The following MGRN1 variants were observed in gnomAD, a reference collection of about 807,000 sequenced individuals.
The protein encoded by MGRN1 is mahogunin ring finger 1, also known as E3 ubiquitin-protein ligase MGRN1.
Under a neutral mutation model 69.2 loss-of-function variants are expected in MGRN1, and 29 were observed. The ratio of observed to expected loss-of-function variants is 0.42; its 90% confidence interval spans 0.31 to 0.57. MGRN1 has a LOEUF of 0.57. Among genes scored for constraint, MGRN1 ranks in the 20% least tolerant of loss-of-function variants. The pLI is 0.15. For synonymous variants in MGRN1, 470 were observed against 344.2 expected (o/e 1.37, Z -4.04); for missense variants, 998 against 796.2 (o/e 1.25, Z -3.05).
intron 1 of MGRN1, among the ~76,000 whole-genome samples, chr16:4,645,832 G>T (rs904232570): frequency 3.3e-5 from 5 of 152,110 alleles, no homozygotes; most frequent in African/African-American, 4.8e-5. Flanking sequence ...GAGGGCAGTG[G>T]GTCCAGAAAC....
chr16:4,667,418 C>G (rs2078830057), intron 7 of MGRN1, among the ~76,000 whole-genome samples: 1 of 152,208 alleles, frequency 6.6e-6, no homozygotes, highest in South Asian at 2.1e-4. Context: ...CTTTTTAGTA[C>G]TGGGCTCCCC....
chr16:4,665,443 A>G (rs897586695), intron 7 of MGRN1, among the ~76,000 whole-genome samples: 1 of 144,806 alleles, frequency 6.9e-6, no homozygotes, highest in African/African-American at 2.6e-5. Context: ...CTCTCGGCTC[A>G]CTGCAACCTC....
chr16:4,666,332 A>T (rs187241699), intron 7 of MGRN1, among the ~76,000 whole-genome samples: 1 of 151,626 alleles, frequency 6.6e-6, no homozygotes, highest in African/African-American at 2.4e-5. Context: ...AGGTCTCGCT[A>T]TGTTGCCCAG....
rs1428566409 is a variant in MGRN1 at position 4,650,487 on chromosome 16, G to C, written c.207+4G>C. 1.2e-6 allele frequency: 2 copies of C among 1,605,850 alleles called. No individual in the cohort carries two copies. Among genetic ancestry groups the C allele is most frequent in the Admixed American group, 3.4e-5 (2 of 59,040 alleles). Reference sequence around the variant, plus strand: ...CCTGGGCAGCCGCCCGGTCCAGGTGGGTCTGGACAGGGCTGTCTCATGGGG... The same window carrying C: ...CCTGGGCAGCCGCCCGGTCCAGGTGCGTCTGGACAGGGCTGTCTCATGGGG... On this transcript the variant is annotated splice_donor_region_variant and intron_variant, in intron 2 of 16. Coordinates refer to ENST00000262370, the MANE Select transcript of MGRN1 (RefSeq NM_015246.4).
In MGRN1 at chr16:4,665,035, G is replaced by A. The variant is rs1364906318; in HGVS notation, c.629-67G>A. 2.2e-5 allele frequency: 34 copies of A among 1,575,940 alleles called. No homozygotes were observed. The Middle Eastern group carries it at 6.7e-4, about 31-fold the overall frequency. ...TCGGTGCCGCAGGCCTACCAGGGTC[G>A]GGGAGGTGAGATGCCTGGGTGGGGC... On this transcript the variant is annotated intron_variant, in intron 6 of 16. Transcript: ENST00000262370.
chr16:4,662,784 GGA>G (rs2078712145), intron 5 of MGRN1, among the ~76,000 whole-genome samples: 1 of 152,222 alleles, frequency 6.6e-6, no homozygotes, highest in Non-Finnish European at 1.5e-5. Context: ...GGACAGCAGG[GGA>G]GAGGAGACAT....
intron 1 of MGRN1, among the ~76,000 whole-genome samples, chr16:4,647,550 G>A (rs1352112823): frequency 1.3e-5 from 2 of 152,248 alleles, no homozygotes; most frequent in African/African-American, 2.4e-5. Flanking sequence ...CCTTGTGGGC[G>A]TGTCCTTCCA....
chr16:4,645,852 G>A (rs181723413), intron 1 of MGRN1, among the ~76,000 whole-genome samples: 3 of 152,276 alleles, frequency 2.0e-5, no homozygotes, highest in East Asian at 3.9e-4. Flanking sequence ...CAACAGACCT[G>A]GGGACCCAGG....
intron 5 of MGRN1, among the ~76,000 whole-genome samples, chr16:4,663,565 A>G (rs1046548751): frequency 1.3e-5 from 2 of 152,110 alleles, no homozygotes; most frequent in African/African-American, 2.4e-5. Flanking sequence ...GCATGTGTCC[A>G]TTGCTGTTCT....
intron 8 of MGRN1, among the ~76,000 whole-genome samples, chr16:4,668,598 A>G (rs1379653793): frequency 6.6e-6 from 1 of 151,094 alleles, no homozygotes; most frequent in East Asian, 1.9e-4. Flanking sequence ...ACTCATACAC[A>G]CATACACTCA....
chr16:4,665,409 G>T (rs1447628047), intron 7 of MGRN1, among the ~76,000 whole-genome samples: 5 of 151,344 alleles, frequency 3.3e-5, no homozygotes, highest in African/African-American at 1.2e-4. Context: ...CTGTCACCCA[G>T]GCTGGAGTTC....
chr16:4,648,878 G>T (rs1289129366), intron 1 of MGRN1, among the ~76,000 whole-genome samples: 2 of 143,278 alleles, frequency 1.4e-5, no homozygotes, highest in Non-Finnish European at 3.0e-5. Flanking sequence ...TCCTCTCGGG[G>T]ACTCTTCCCG....
At chr16:4,667,406 G>C (rs2078829867) in intron 7 of MGRN1, among the ~76,000 whole-genome samples, 1 of 152,206 alleles carries the variant, frequency 6.6e-6, no homozygotes, top group Non-Finnish European at 1.5e-5. Flanking sequence ...GCAGCCTTCT[G>C]CCTTTTTAGT....
At chr16:4,683,726 TG>T in intron 15 of MGRN1, 116 bp from the exon 16 acceptor site, 1 of 812,346 alleles carries the variant, frequency 1.2e-6, no homozygotes, top group Non-Finnish European at 1.9e-6. Flanking sequence ...AGCACAAGCC[TG>T]GGGTCCCCAC....
Position 4,686,214 on chromosome 16 carries a change from G to C in MGRN1, c.1618+2282G>C, listed in dbSNP as rs184939895. 511 of 1,537,286 alleles carry C rather than the reference G, an allele frequency of 3.3e-4. 3 individuals are homozygous for C. The African/African-American group carries it at 6.1e-3, about 18-fold the overall frequency. ...GCTGTGGCTGTGCTGGCTGCTGCGC[G>C]CTTGCTAACCGAGCTTCCGTCTGTC... On this transcript the variant is annotated intron_variant, in intron 16 of 16. Transcript: ENST00000262370.
intron 1 of MGRN1, among the ~76,000 whole-genome samples, chr16:4,628,558 T>C (rs903454421): frequency 6.6e-6 from 1 of 152,144 alleles, no homozygotes; most frequent in Admixed American, 6.6e-5. Context: ...CTTTCTTTTT[T>C]CTTTGAGATG....
chr16:4,658,288 C>T (rs1046937190), intron 5 of MGRN1, among the ~76,000 whole-genome samples: 38 of 151,838 alleles, frequency 2.5e-4, no homozygotes, highest in African/African-American at 9.2e-4. Context: ...GTAATCCCAG[C>T]ACTTTGGGAG....
chr16:4,664,721 C>T lies in MGRN1; in HGVS notation c.574C>T (p.Leu192=). 6.8e-6 allele frequency: 11 copies of T among 1,614,222 alleles called. No homozygotes were observed. The highest frequency in any genetic ancestry group is 9.3e-6 in the Non-Finnish European group (11 of 1,180,050). ...EWKDDELNFD[L]DRGVFPVVIQ... is the part of the protein sequence containing the mutation. ...ACTCTCTCCTCAGCTGAACTTTGAC[C>T]TGGACCGGGGCGTGTTTCCAGTAGT... Residue 192 remains leucine (L), a synonymous_variant, in exon 6 of 17, where the codon CTG becomes TTG. Coordinates refer to ENST00000262370, the MANE Select transcript of MGRN1 (RefSeq NM_015246.4).
intron 1 of MGRN1, among the ~76,000 whole-genome samples, chr16:4,647,064 G>T (rs574043887): frequency 6.6e-6 from 1 of 152,364 alleles, no homozygotes; most frequent in Admixed American, 6.5e-5. Flanking sequence ...CCGACGATGG[G>T]TCCTGGGCTG....
Sources: gnomAD v4.1 joint callset for allele counts (sites outside exome capture counted in the v4.1 genomes callset) on GRCh38, gnomAD v4.1.1 for gene constraint, MANE v1.5 for transcripts, NCBI Gene and HGNC (gene_info 2026-07-23, HGNC 2026-07-21) for gene names.